Variants in TRAF3IP1 observed in about 807,000 individuals in gnomAD.
TRAF3IP1 encodes the protein intraflagellar transport 54, also known as TRAF3-interacting protein 1.
A neutral mutation model predicts 89.9 loss-of-function variants in TRAF3IP1; 53 were observed. That is an observed-to-expected ratio of 0.59 (90% CI 0.47 to 0.74). The LOEUF (loss-of-function observed/expected upper bound fraction) is 0.74. Among genes scored for constraint, TRAF3IP1 ranks in the 30% least tolerant of loss-of-function variants. The probability of loss-of-function intolerance (pLI) is 0.00; values close to 1 mark genes in which losing one functional copy is unlikely to be tolerated. For synonymous variants in TRAF3IP1, 311 were observed against 322.1 expected, an observed-to-expected ratio of 0.97 and a Z score of 0.37; for missense variants, 806 against 866.1, an observed-to-expected ratio of 0.93 and a Z score of 0.87.
At chr2:238,353,991 C>T (rs1417554641) in intron 14 of TRAF3IP1, among the ~76,000 whole-genome samples, 2 of 152,198 alleles carry the variant, frequency 1.3e-5, no homozygotes, top group African/African-American at 2.4e-5. Context: ...CCAGGCTGGT[C>T]TCCAATTTCT....
intron 15 of TRAF3IP1, among the ~76,000 whole-genome samples, chr2:238,373,621 T>G (rs928557420): frequency 4.6e-5 from 7 of 152,214 alleles, no homozygotes; most frequent in Non-Finnish European, 1.0e-4. Context: ...TGCGGGCTCT[T>G]TTTTGGTTCC....
At position 238,353,168 on chromosome 2, in the gene TRAF3IP1, C is replaced by T; in HGVS notation, c.1576-5C>T. On this transcript the variant is annotated splice_region_variant and splice_polypyrimidine_tract_variant and intron_variant, in intron 13 of 16. Coordinates refer to ENST00000373327, the MANE Select transcript of TRAF3IP1 (RefSeq NM_015650.4). ...CTTCTTTTTCCCCCTTCCTTTCCTG[C>T]TCAGGTAACAGCAGTGGAACTAGAA... is the stretch of plus-strand genomic sequence containing the variant. The T allele has an allele frequency of 6.2e-7, 1 of 1,614,136 alleles. No individual in the cohort carries two copies.
intron 14 of TRAF3IP1, among the ~76,000 whole-genome samples, chr2:238,355,534 C>T (rs953505518): frequency 1.3e-5 from 2 of 152,360 alleles, no homozygotes; most frequent in African/African-American, 2.4e-5. Context: ...CAGTCAGCCT[C>T]GGGCTGATGT....
intron 2 of TRAF3IP1, 68 bp from the exon 3 acceptor site, chr2:238,325,741 A>T: frequency 6.9e-7 from 1 of 1,454,762 alleles, no homozygotes. Context: ...TGCCTGGTAA[A>T]CATACAGAAG....
chr2:238,350,001 G>A (rs1699075237), intron 12 of TRAF3IP1, among the ~76,000 whole-genome samples: 1 of 152,146 alleles, frequency 6.6e-6, no homozygotes, highest in Non-Finnish European at 1.5e-5. Flanking sequence ...AACCTGGGAG[G>A]TGGAGGTTAT....
At chr2:238,360,157 G>A (rs1477987169) in intron 15 of TRAF3IP1, among the ~76,000 whole-genome samples, 1 of 152,200 alleles carries the variant, frequency 6.6e-6, no homozygotes, top group Non-Finnish European at 1.5e-5. Context: ...AGAATGGCAT[G>A]CAATTGAAAA....
At chr2:238,334,907 C>T (rs1355402607) in intron 7 of TRAF3IP1, among the ~76,000 whole-genome samples, 1 of 152,302 alleles carries the variant, frequency 6.6e-6, no homozygotes, top group East Asian at 1.9e-4. Flanking sequence ...CACCCCACAC[C>T]TTCTCCAGTG....
rs147697083 is a variant in TRAF3IP1 at position 238,372,011 on chromosome 2, C to A, written c.1689+15931C>A. On this transcript the variant is annotated intron_variant, in intron 15 of 16. Coordinates refer to ENST00000373327, the MANE Select transcript of TRAF3IP1 (RefSeq NM_015650.4). The stretch of plus-strand genomic sequence containing the variant: ...TGAATGCAAAATCCCTAAACTAGTT[C>A]TTGAAAAAATAGTTTTGTGGAAGAA... 8.6e-4 allele frequency among the ~76,000 whole-genome samples: 131 copies of A among 152,142 alleles called. 1 individual carries two copies. In the East Asian group the frequency reaches 0.013, roughly 15 times the overall value.
rs1289271037 is a variant in TRAF3IP1, at chr2:238,332,979, T to G, written c.987+84T>G. On this transcript the variant is annotated intron_variant, in intron 6 of 16. Coordinates refer to ENST00000373327, the MANE Select transcript of TRAF3IP1 (RefSeq NM_015650.4). Reference sequence around the variant, plus strand: ...AATGCTGTGCGCTCCCCGGGTCCACTGAGGCATGGAAGGAGCACATGGTCT... The same window carrying G: ...AATGCTGTGCGCTCCCCGGGTCCACGGAGGCATGGAAGGAGCACATGGTCT... 5 of 1,009,512 alleles carry G rather than the reference T, an allele frequency of 5.0e-6. No individual in the cohort carries two copies. The African/African-American group carries it at 8.0e-5, about 16-fold the overall frequency. 62.5% of individuals were successfully genotyped at this position (1,009,512 alleles called of 1,614,324 possible).
chr2:238,355,952 T>C, intron 14 of TRAF3IP1, 52 bp from the exon 15 acceptor site: 4 of 1,394,662 alleles, frequency 2.9e-6, no homozygotes. Flanking sequence ...TTAGAATAGG[T>C]TTTTGGGATA....
chr2:238,338,871 G>A (rs758114105), intron 8 of TRAF3IP1, among the ~76,000 whole-genome samples: 31 of 152,162 alleles, frequency 2.0e-4, no homozygotes, highest in Non-Finnish European at 2.1e-4. Context: ...GGGGAAGTTG[G>A]CCTGTCACAG....
At chr2:238,347,156 T>C in intron 9 of TRAF3IP1, 2 of 348,434 alleles carry the variant, frequency 5.7e-6, no homozygotes, top group Non-Finnish European at 1.0e-5. Flanking sequence ...TTGTCGATTC[T>C]TGTCTCATGA....
At chr2:238,370,364 G>T (rs537298477) in intron 15 of TRAF3IP1, among the ~76,000 whole-genome samples, 1 of 152,124 alleles carries the variant, frequency 6.6e-6, no homozygotes, top group South Asian at 2.1e-4. Flanking sequence ...GTGTATACAT[G>T]TATACGTGTG....
chr2:238,360,022 A>G (rs767177702), intron 15 of TRAF3IP1, among the ~76,000 whole-genome samples: 1 of 152,172 alleles, frequency 6.6e-6, no homozygotes, highest in Non-Finnish European at 1.5e-5. Flanking sequence ...AGTCTAGACT[A>G]TCTGATAACT....
At position 238,335,535 on chromosome 2, in the gene TRAF3IP1, C is replaced by T. The variant is rs759164340; in HGVS notation, c.1063+1500C>T. Among the ~76,000 whole-genome samples, 140 of 152,020 alleles carry T rather than the reference C, an allele frequency of 9.2e-4. 1 individual carries two copies. Among genetic ancestry groups the T allele is most frequent in the African/African-American group, 1.5e-3 (63 of 41,492 alleles). ...AAGCCATCTTATTTGCTTATTCTTCCGGATGAATTTTAAAAACTCTTCATG... is the reference window on the plus strand; with the variant it reads ...AAGCCATCTTATTTGCTTATTCTTCTGGATGAATTTTAAAAACTCTTCATG... On this transcript the variant is annotated intron_variant, in intron 7 of 16. Coordinates refer to ENST00000373327, the MANE Select transcript of TRAF3IP1 (RefSeq NM_015650.4).
Position 238,351,679 on chromosome 2 carries a change from T to C in TRAF3IP1, c.1452-1148T>C, listed in dbSNP as rs1365235990. Among the ~76,000 whole-genome samples the C allele has an allele frequency of 2.0e-5, 3 of 152,172 alleles. No homozygotes were observed. Among genetic ancestry groups the C allele is most frequent in the African/African-American group, 7.2e-5 (3 of 41,442 alleles). On this transcript the variant is annotated intron_variant, in intron 12 of 16. Transcript: ENST00000373327. This position sits in a 1 kb window ranked among gnomAD's most constrained non-coding sequence, Gnocchi z 5.2. The stretch of plus-strand genomic sequence containing the variant: ...AGCGGGTTCGAAGTGAGGTTGGTCC[T>C]GGCGGAGCCACACAGGTGGTTGTTG...
In TRAF3IP1 at chr2:238,400,799, G is replaced by A. The variant is rs1386590696; in HGVS notation, c.*1880G>A. ...TTGCCAAAAATTGCATACATTGTAT[G>A]TAAGTAAAATTTTTTATGAAGTAGT... On this transcript the variant is annotated 3_prime_UTR_variant, in exon 17 of 17. Coordinates refer to ENST00000373327, the MANE Select transcript of TRAF3IP1 (RefSeq NM_015650.4). 1 of 152,178 alleles carries A rather than the reference G, an allele frequency of 6.6e-6. No homozygotes were observed. The highest frequency in any genetic ancestry group is 1.5e-5 in the Non-Finnish European group (1 of 68,016). 9.4% of individuals were successfully genotyped at this position (152,178 alleles called of 1,614,324 possible). A position where few individuals can be genotyped will look rare whatever the true frequency, so the allele number is the denominator to read the frequency against.
intron 14 of TRAF3IP1, among the ~76,000 whole-genome samples, chr2:238,354,902 G>T (rs1055003193): frequency 6.6e-6 from 1 of 151,496 alleles, no homozygotes; most frequent in Admixed American, 6.6e-5. Context: ...GGCCCCCTTG[G>T]CCTCCCAAAG....
chr2:238,355,798 C>T (rs1699378788), intron 14 of TRAF3IP1, among the ~76,000 whole-genome samples: 2 of 152,180 alleles, frequency 1.3e-5, no homozygotes, highest in South Asian at 4.1e-4. Flanking sequence ...TTCCCTGAAA[C>T]ACTTTGAAAT....
Sources: gnomAD v4.1 joint callset for allele counts (sites outside exome capture counted in the v4.1 genomes callset) on GRCh38, gnomAD v4.1.1 for gene constraint, Gnocchi (gnomAD v3.1) non-coding constraint, MANE v1.5 for transcripts, NCBI Gene and HGNC (gene_info 2026-07-23, HGNC 2026-07-21) for gene names.